Variants in LGR5 observed in about 807,000 individuals in gnomAD.
LGR5 encodes the protein leucine rich repeat containing G protein-coupled receptor 5, also known as leucine-rich repeat-containing G protein-coupled receptor 5.
In LGR5, 54 loss-of-function variants were observed where a neutral mutation model predicts 76.7. The observed-to-expected ratio is 0.70, with a 90% CI of 0.57 to 0.88. The LOEUF is 0.88. Ranked by LOEUF, LGR5 falls within the 40% of genes least tolerant of loss-of-function variation. The probability of loss-of-function intolerance (pLI) is 0.00; values close to 1 mark genes in which losing one functional copy is unlikely to be tolerated. For synonymous variants in LGR5, 406 were observed against 421.9 expected (o/e 0.96, Z 0.46); for missense variants, 1,078 against 1,073.3 (o/e 1.00, Z -0.06).
chr12:71,460,317 A>G (rs1275437175), intron 1 of LGR5, among the ~76,000 whole-genome samples: 1 of 152,146 alleles, frequency 6.6e-6, no homozygotes, highest in East Asian at 1.9e-4. Flanking sequence ...GGAAGACACT[A>G]AAAGTTTAGT....
chr12:71,510,347 T>G (rs1875088487), intron 2 of LGR5, among the ~76,000 whole-genome samples: 1 of 152,202 alleles, frequency 6.6e-6, no homozygotes. Flanking sequence ...TCGGTCATTG[T>G]GTATATATAT....
chr12:71,453,938 A>G (rs1409033834), intron 1 of LGR5, among the ~76,000 whole-genome samples: 4 of 152,104 alleles, frequency 2.6e-5, no homozygotes, highest in African/African-American at 9.7e-5. Flanking sequence ...GTAGGTATCA[A>G]TGATGTGACT....
At chr12:71,558,043 C>T (rs571232461) in intron 6 of LGR5, among the ~76,000 whole-genome samples, 1 of 152,160 alleles carries the variant, frequency 6.6e-6, no homozygotes, top group South Asian at 2.1e-4. Context: ...AGCCTATGAG[C>T]ACTAACAGCT....
intron 1 of LGR5, among the ~76,000 whole-genome samples, chr12:71,451,013 G>T (rs1327927947): frequency 6.6e-6 from 1 of 152,070 alleles, no homozygotes; most frequent in African/African-American, 2.4e-5. Flanking sequence ...CTAGCTCCCT[G>T]TTAAAAGAAA....
chr12:71,485,073 A>G (rs1453016449), intron 1 of LGR5, among the ~76,000 whole-genome samples: 1 of 152,202 alleles, frequency 6.6e-6, no homozygotes, highest in African/African-American at 2.4e-5. Context: ...CTCTTGATAT[A>G]TCTGTATAGG....
intron 2 of LGR5, among the ~76,000 whole-genome samples, chr12:71,509,236 G>A (rs889222082): frequency 6.6e-6 from 1 of 152,122 alleles, no homozygotes; most frequent in Non-Finnish European, 1.5e-5. Context: ...CTTTTAAGGT[G>A]TTTCCAAGAA....
chr12:71,559,509 A>G (rs1245715071), intron 6 of LGR5, 77 bp from the exon 7 acceptor site: 2 of 795,618 alleles, frequency 2.5e-6, no homozygotes, highest in Admixed American at 4.1e-5. Flanking sequence ...TTGGAATAGC[A>G]TGTTAACTTT....
At chr12:71,465,558 T>C (rs1872831345) in intron 1 of LGR5, among the ~76,000 whole-genome samples, 1 of 152,170 alleles carries the variant, frequency 6.6e-6, no homozygotes, top group Non-Finnish European at 1.5e-5. Flanking sequence ...AGTACTAGGA[T>C]TCCTCAGGGA....
chr12:71,476,825 T>C (rs1873356313), intron 1 of LGR5, among the ~76,000 whole-genome samples: 1 of 152,212 alleles, frequency 6.6e-6, no homozygotes, highest in Non-Finnish European at 1.5e-5. Flanking sequence ...GTTGTGGCTA[T>C]TTTTAATCAG....
At chr12:71,488,495 G>A (rs1341393269) in intron 1 of LGR5, among the ~76,000 whole-genome samples, 2 of 152,164 alleles carry the variant, frequency 1.3e-5, no homozygotes, top group Non-Finnish European at 2.9e-5. Context: ...ATTTTCAAAA[G>A]ACCCAGTTTC....
chr12:71,472,338 A>G (rs929316960), intron 1 of LGR5, among the ~76,000 whole-genome samples: 15 of 152,206 alleles, frequency 9.9e-5, no homozygotes, highest in African/African-American at 3.4e-4. Context: ...TATTATCCCC[A>G]TTTTATAAAC....
At chr12:71,487,984 A>G (rs1873908069) in intron 1 of LGR5, among the ~76,000 whole-genome samples, 1 of 152,228 alleles carries the variant, frequency 6.6e-6, no homozygotes, top group Non-Finnish European at 1.5e-5. Context: ...TGAACTGCCA[A>G]GAGGAGGGTA....
chr12:71,469,771 C>T (rs1173188082), intron 1 of LGR5, among the ~76,000 whole-genome samples: 1 of 152,188 alleles, frequency 6.6e-6, no homozygotes, highest in Admixed American at 6.5e-5. Context: ...AGGCCCAGTG[C>T]CATGAAGGAA....
At chr12:71,497,657 G>A (rs889531015) in intron 1 of LGR5, among the ~76,000 whole-genome samples, 5 of 152,180 alleles carry the variant, frequency 3.3e-5, no homozygotes, top group African/African-American at 1.2e-4. Flanking sequence ...AAAAAGTGCT[G>A]GAATGGCTCC....
intron 7 of LGR5, among the ~76,000 whole-genome samples, chr12:71,559,934 C>T (rs1877974326): frequency 6.6e-6 from 1 of 151,956 alleles, no homozygotes; most frequent in South Asian, 2.1e-4. Context: ...ACATACTCTC[C>T]CACCATTTAT....
At chr12:71,517,277 A>T (rs917473421) in intron 2 of LGR5, among the ~76,000 whole-genome samples, 1 of 152,234 alleles carries the variant, frequency 6.6e-6, no homozygotes, top group African/African-American at 2.4e-5. Context: ...ATCTGCCACT[A>T]GCCCAGCAAA....
intron 1 of LGR5, among the ~76,000 whole-genome samples, chr12:71,445,320 A>G (rs1340437577): frequency 6.6e-6 from 1 of 152,230 alleles, no homozygotes; most frequent in Non-Finnish European, 1.5e-5. Context: ...CACAACTGGT[A>G]TATTACAAAT....
chr12:71,553,617 T>TA (rs574974354), intron 5 of LGR5, among the ~76,000 whole-genome samples: 41 of 152,262 alleles, frequency 2.7e-4, no homozygotes, highest in Non-Finnish European at 4.6e-4. Context: ...TTCCTTATTT[T>TA]AAAAAATAAT....
intron 3 of LGR5, among the ~76,000 whole-genome samples, chr12:71,534,639 G>A (rs889081620): frequency 3.9e-5 from 6 of 152,072 alleles, no homozygotes; most frequent in Non-Finnish European, 7.3e-5. Context: ...TCCCAACCTC[G>A]AGTCCTCACT....
Sources: allele counts gnomAD v4.1 joint callset (sites outside exome capture counted in the v4.1 genomes callset), GRCh38; gene constraint gnomAD v4.1.1; transcripts MANE v1.5; gene names NCBI Gene and HGNC (gene_info 2026-07-23, HGNC 2026-07-21).